The following TMEM25 variants were observed in gnomAD, a reference collection of about 807,000 sequenced individuals.
The protein encoded by TMEM25 is 0610039J01Rik.
In TMEM25, 36 loss-of-function variants were observed where a neutral mutation model predicts 37.0. That is an observed-to-expected ratio of 0.97 (90% CI 0.75 to 1.28). The LOEUF (loss-of-function observed/expected upper bound fraction) is 1.28. TMEM25 is among the 50% of genes most tolerant of loss of function. TMEM25 has a pLI of 0.00. For synonymous variants in TMEM25, 197 were observed against 203.7 expected (o/e 0.97, Z 0.28); for missense variants, 444 against 477.9 (o/e 0.93, Z 0.66).
chr11:118,545,438 A>G, intron 8 of TMEM25: 1 of 1,613,578 alleles, frequency 6.2e-7, no homozygotes, highest in Non-Finnish European at 8.5e-7. Flanking sequence ...GAGTAGAGGG[A>G]AAAGAGCAGA....
At chr11:118,545,574 G>T in intron 8 of TMEM25, 2 of 1,277,890 alleles carry the variant, frequency 1.6e-6, no homozygotes, top group Non-Finnish European at 2.3e-6. Context: ...CACAGGCAAA[G>T]CCCTGGCAGA....
chr11:118,533,365 A>G, intron 4 of TMEM25, 55 bp from the exon 5 acceptor site: 2 of 1,609,138 alleles, frequency 1.2e-6, no homozygotes, highest in Non-Finnish European at 1.7e-6. Flanking sequence ...TACCTATGGC[A>G]TGTTGGGGCT....
chr11:118,535,905 T>A, downstream of TMEM25: 1 of 969,826 alleles, frequency 1.0e-6, no homozygotes, highest in Non-Finnish European at 1.2e-6. Flanking sequence ...TGAGATGGAG[T>A]CTCACTCTGT....
downstream of TMEM25, chr11:118,547,139 C>T (rs1416213864): frequency 6.6e-6 from 1 of 152,206 alleles, no homozygotes; most frequent in African/African-American, 2.4e-5. Flanking sequence ...TCAACTACAG[C>T]TTCAAAATGC....
chr11:118,531,545 T>C (rs1271310215), intron 1 of TMEM25: 2 of 561,626 alleles, frequency 3.6e-6, no homozygotes, highest in African/African-American at 3.8e-5. Flanking sequence ...CTCTTTGTAT[T>C]GTAGCCTGGA....
chr11:118,534,211 C>T lies in TMEM25; in HGVS notation c.938-55C>T, dbSNP rs535014574. 5.2e-5 allele frequency: 84 copies of T among 1,612,800 alleles called. No individual in the cohort carries two copies. Among genetic ancestry groups the T allele is most frequent in the African/African-American group, 8.0e-5 (6 of 74,970 alleles). On this transcript the variant is annotated intron_variant, in intron 7 of 8. Coordinates refer to ENST00000313236, the MANE Select transcript of TMEM25 (RefSeq NM_032780.4). This position sits in a 1 kb window ranked among gnomAD's most constrained non-coding sequence, Gnocchi z 4.6. ...AAAAGAACTTGGTGCTTGGGAGGGG[C>T]GAGGCCTCATCAGGCACACTCCTCG...
chr11:118,545,349 A>G, intron 8 of TMEM25: 1 of 1,233,952 alleles, frequency 8.1e-7, no homozygotes, highest in South Asian at 1.2e-5. Flanking sequence ...CAGGCTCAGA[A>G]CAGTAGAAAC....
At chr11:118,532,873 T>C in intron 3 of TMEM25, 44 bp from the exon 4 acceptor site, 1 of 1,575,674 alleles carries the variant, frequency 6.3e-7, no homozygotes, top group Non-Finnish European at 8.6e-7. Flanking sequence ...GCTAGAAGTA[T>C]GAGGGGCTGT....
Position 118,532,727 on chromosome 11 carries a change from C to T in TMEM25, c.383-190C>T, listed in dbSNP as rs1387880512. The T allele has an allele frequency of 8.2e-6, 7 of 853,430 alleles. No homozygotes were observed. In the African/African-American group the frequency reaches 8.5e-5, roughly 10 times the overall value. The allele number at this position is 853,430 out of a possible 1,614,324, so 52.9% of individuals were successfully genotyped here. A position where few individuals can be genotyped will look rare whatever the true frequency, so the allele number is the denominator to read the frequency against. On this transcript the variant is annotated intron_variant, in intron 3 of 8. Transcript: ENST00000313236. ...AGCAGAGCCAGGATTCACATCTGGG[C>T]ATTTGGCTCTAGTATTTACACTCAT...
rs1951474418 is a variant in TMEM25 at position 118,535,127 on chromosome 11, G to A, written c.*547G>A. The A allele has an allele frequency of 2.0e-6, 2 of 1,021,436 alleles. No homozygotes were observed. Among genetic ancestry groups the A allele is most frequent in the Admixed American group, 5.4e-5 (1 of 18,552 alleles). 63.3% of individuals were successfully genotyped at this position (1,021,436 alleles called of 1,614,324 possible). A position where few individuals can be genotyped will look rare whatever the true frequency, so the allele number is the denominator to read the frequency against. On this transcript the variant is annotated 3_prime_UTR_variant, in exon 9 of 9. Coordinates refer to ENST00000313236, the MANE Select transcript of TMEM25 (RefSeq NM_032780.4). ...ACCAACCCCTGACCCAGCGGTACCGGCCAAGCACAAACGTCCTTTTTGCTG... is the reference window on the plus strand; with the variant it reads ...ACCAACCCCTGACCCAGCGGTACCGACCAAGCACAAACGTCCTTTTTGCTG...
downstream of TMEM25, among the ~76,000 whole-genome samples, chr11:118,537,259 G>A (rs1555063824): frequency 6.6e-6 from 1 of 151,954 alleles, no homozygotes; most frequent in Non-Finnish European, 1.5e-5. Flanking sequence ...GAGAAATGCT[G>A]GAACCCAGGA....
Position 118,534,110 on chromosome 11 carries a change from C to A in TMEM25, c.918C>A (p.Asp306Glu). 6.2e-7 allele frequency: 1 copy of A among 1,614,186 alleles called. No individual in the cohort carries two copies. The highest frequency in any genetic ancestry group is 1.1e-5 in the South Asian group (1 of 91,076). ...TCCCGTCCAACCTTCAGCTCAATGA[C>A]CTCACTCCAGATTCCAGAGGTATAT... ...MSLPSNLQLN[D>E]LTPDSRAVKP... The change falls in exon 7 of 9, where the codon GAC becomes GAA. Residue 306 changes from aspartate (D) to glutamate (E), a missense_variant. Coordinates refer to ENST00000313236, the MANE Select transcript of TMEM25 (RefSeq NM_032780.4). This position sits in a 1 kb window ranked among gnomAD's most constrained non-coding sequence, Gnocchi z 4.6.
chr11:118,533,781 C>A lies in TMEM25; in HGVS notation c.806-76C>A, dbSNP rs782704381. ...TTGAGAGACCCCTTGCCTGAGGGTC[C>A]TGGGTCTGAAAGGGTAGGACAGCCC... On this transcript the variant is annotated intron_variant, in intron 5 of 8. Coordinates refer to ENST00000313236, the MANE Select transcript of TMEM25 (RefSeq NM_032780.4). 319 of 1,609,414 alleles carry A rather than the reference C, an allele frequency of 2.0e-4. 1 individual carries two copies. Among genetic ancestry groups the A allele is most frequent in the Non-Finnish European group, 2.6e-4 (302 of 1,176,896 alleles).
At chr11:118,533,739 G>GGGCCA in intron 5 of TMEM25, 118 bp from the exon 6 acceptor site, 1 of 1,582,192 alleles carries the variant, frequency 6.3e-7, no homozygotes. Flanking sequence ...TCTGGCCCCA[G>GGGCCA]GGCCAGGCCT....
chr11:118,533,085 C>A lies in TMEM25; in HGVS notation c.551C>A (p.Ala184Glu), dbSNP rs782062665. The change falls in exon 4 of 9, where the codon GCG (alanine) becomes GAG (glutamate). Residue 184 changes from alanine (A) to glutamate (E), a missense_variant. Coordinates refer to ENST00000313236, the MANE Select transcript of TMEM25 (RefSeq NM_032780.4). ...ACCTCTGACTTCCTGGTGCTGGATG[C>A]GCAGAACTACCCCTGGCTCACCAAC... ...VNTSDFLVLD[A>E]QNYPWLTNHT... 21 of 1,613,844 alleles carry A rather than the reference C, an allele frequency of 1.3e-5. No individual in the cohort carries two copies. Among genetic ancestry groups the A allele is most frequent in the Non-Finnish European group, 1.7e-5 (20 of 1,180,026 alleles).
At position 118,532,271 on chromosome 11, in the gene TMEM25, C is replaced by T. The variant is rs782617413; in HGVS notation, c.192C>T (p.Ala64=). 6.2e-7 allele frequency: 1 copy of T among 1,614,150 alleles called. No homozygotes were observed. The highest frequency in any genetic ancestry group is 1.1e-5 in the South Asian group (1 of 91,086). Residue 64 remains alanine, a synonymous_variant, in exon 3 of 9, where the codon GCC becomes GCT. Transcript: ENST00000313236. The stretch of plus-strand genomic sequence containing the variant: ...GGGGGCCTGGCACCCCCAGATTGGC[C>T]TGGTATCTGGATGGACAGCTGCAGG... ...VAGGPGTPRL[A]WYLDGQLQEA...
Position 118,534,965 on chromosome 11 carries a change from A to G in TMEM25, c.*385A>G, listed in dbSNP as rs370198314. ...CTCCACAGCACCTTGTACAGTAGGC[A>G]TGGGGGCGTGCCTGTGTGGGGGACA... On this transcript the variant is annotated 3_prime_UTR_variant, in exon 9 of 9. Transcript: ENST00000313236. This position sits in a 1 kb window ranked among gnomAD's most constrained non-coding sequence, Gnocchi z 4.6. 3 of 1,076,598 alleles carry G rather than the reference A, an allele frequency of 2.8e-6. No individual in the cohort carries two copies. Among genetic ancestry groups the G allele is most frequent in the Non-Finnish European group, 2.3e-6 (2 of 886,318 alleles). 66.7% of individuals were successfully genotyped at this position (1,076,598 alleles called of 1,614,324 possible). A position where few individuals can be genotyped will look rare whatever the true frequency, so the allele number is the denominator to read the frequency against.
Position 118,532,293 on chromosome 11 carries a change from C to T in TMEM25, c.214C>T (p.Gln72Ter), listed in dbSNP as rs782295341. The change falls in exon 3 of 9, where the codon CAG becomes TAG. Residue 72 changes from glutamine (Q) to a stop codon, truncating the protein, a stop_gained. Transcript: ENST00000313236. LOFTEE classifies it high-confidence loss of function. Reference protein sequence around the residue: ...RLAWYLDGQLQEASTSRLLSV... With the variant: ...RLAWYLDGQL The stretch of plus-strand genomic sequence containing the variant: ...GGCCTGGTATCTGGATGGACAGCTG[C>T]AGGAGGCCAGCACCTCAAGACTGCT... 2.5e-6 allele frequency: 4 copies of T among 1,614,100 alleles called. No homozygotes were observed. Among genetic ancestry groups the T allele is most frequent in the African/African-American group, 2.7e-5 (2 of 74,950 alleles).
Position 118,534,912 on chromosome 11 carries a change from A to T in TMEM25, c.*332A>T. ...ATGTCATCCAGCATCCAAGTGTGGC[A>T]TGGCCTGCTGTATACCCCACCCCAG... On this transcript the variant is annotated 3_prime_UTR_variant, in exon 9 of 9. Coordinates refer to ENST00000313236, the MANE Select transcript of TMEM25 (RefSeq NM_032780.4). The surrounding 1 kb of genome is among the most constrained non-coding windows in gnomAD (Gnocchi z 4.6). The T allele has an allele frequency of 8.2e-7, 1 of 1,212,186 alleles. No individual in the cohort carries two copies. Among genetic ancestry groups the T allele is most frequent in the Non-Finnish European group, 1.0e-6 (1 of 963,916 alleles). The allele number at this position is 1,212,186 out of a possible 1,614,324, so 75.1% of individuals were successfully genotyped here. A position where few individuals can be genotyped will look rare whatever the true frequency, so the allele number is the denominator to read the frequency against.
Sources: gnomAD v4.1 joint callset for allele counts (sites outside exome capture counted in the v4.1 genomes callset) on GRCh38, gnomAD v4.1.1 for gene constraint, Gnocchi (gnomAD v3.1) non-coding constraint, MANE v1.5 for transcripts, NCBI Gene and HGNC (gene_info 2026-07-23, HGNC 2026-07-21) for gene names.